The following FBXO21 variants were observed in gnomAD, a reference collection of about 807,000 sequenced individuals.
FBXO21 encodes F-box protein 21, also known as F-box only protein 21.
FBXO21 carries 32 observed loss-of-function variants against 76.6 expected under a neutral mutation model. The ratio of observed to expected loss-of-function variants is 0.42; its 90% confidence interval spans 0.32 to 0.56. The LOEUF (loss-of-function observed/expected upper bound fraction) is 0.56, where lower values mean the gene tolerates loss of function less well. Among genes scored for constraint, FBXO21 ranks in the 20% least tolerant of loss-of-function variants. The probability of loss-of-function intolerance (pLI) is 0.16; values close to 1 mark genes in which losing one functional copy is unlikely to be tolerated. For missense variants in FBXO21, 586 were observed against 797.3 expected (o/e 0.73, Z 3.19); for synonymous variants, 328 against 311.5 (o/e 1.05, Z -0.56).
chr12:117,165,752 C>A, intron 8 of FBXO21, 135 bp from the exon 9 acceptor site: 7 of 819,266 alleles, frequency 8.5e-6, no homozygotes, highest in South Asian at 2.6e-5. Flanking sequence ...CTTCTCAGCT[C>A]AACGAAGAGA....
chr12:117,151,792 A>G (rs1279314184), intron 11 of FBXO21, among the ~76,000 whole-genome samples: 1 of 152,310 alleles, frequency 6.6e-6, no homozygotes, highest in East Asian at 1.9e-4. Context: ...GCTCTTGTTC[A>G]TTGAAGTAGA....
intron 7 of FBXO21, among the ~76,000 whole-genome samples, chr12:117,172,220 A>G (rs1490790746): frequency 6.6e-6 from 1 of 152,226 alleles, no homozygotes; most frequent in Admixed American, 6.5e-5. Context: ...TGCAGTTTTA[A>G]GAAATACAGA....
rs1319019764 is a variant in FBXO21 at position 117,145,125 on chromosome 12, C to A, written c.*962G>T. 6.9e-6 allele frequency: 1 copy of A among 145,804 alleles called. No homozygotes were observed. The highest frequency in any genetic ancestry group is 1.5e-5 in the Non-Finnish European group (1 of 66,698). 9.0% of individuals were successfully genotyped at this position (145,804 alleles called of 1,614,324 possible). A position where few individuals can be genotyped will look rare whatever the true frequency, so the allele number is the denominator to read the frequency against. On this transcript the variant is annotated 3_prime_UTR_variant, in exon 12 of 12. Transcript: ENST00000622495. The stretch of plus-strand genomic sequence containing the variant: ...TTTTTTCCTGATTACAAAAGCAAAA[C>A]CTCATTTTTTGGTCTTTGAAGACCA...
At position 117,167,075 on chromosome 12, in the gene FBXO21, G is replaced by A. The variant is rs897057214; in HGVS notation, c.1016C>T (p.Ala339Val). Residue 339 changes from alanine (A) to valine (V), a missense_variant and splice_region_variant, in exon 8 of 12, where the codon GCG becomes GTG. Coordinates refer to ENST00000622495, the MANE Select transcript of FBXO21 (RefSeq NM_015002.3). ...LLRWCQGAEGATLDIFDYIYI... is the reference protein window; with the variant it reads ...LLRWCQGAEGVTLDIFDYIYI... ...GATGTAGTCAAAGATGTCCAGGGTC[G>A]CCCTATCCAAAGAGCCAAATATCAG... 3.1e-6 allele frequency: 5 copies of A among 1,613,024 alleles called. No individual in the cohort carries two copies. Among genetic ancestry groups the A allele is most frequent in the African/African-American group, 1.3e-5 (1 of 74,856 alleles).
At chr12:117,167,917 T>C (rs1277355513) in intron 7 of FBXO21, among the ~76,000 whole-genome samples, 4 of 152,152 alleles carry the variant, frequency 2.6e-5, no homozygotes, top group South Asian at 4.1e-4. Flanking sequence ...CAGCTCTTCT[T>C]GCAGCTCTTC....
chr12:117,163,669 G>A (rs1956012445), intron 9 of FBXO21, among the ~76,000 whole-genome samples: 1 of 149,742 alleles, frequency 6.7e-6, no homozygotes, highest in African/African-American at 2.5e-5. Flanking sequence ...GGGGCTGGGT[G>A]TGGTGTCTCA....
At chr12:117,189,757 G>T (rs1349242450) in intron 1 of FBXO21, among the ~76,000 whole-genome samples, 1 of 152,090 alleles carries the variant, frequency 6.6e-6, no homozygotes, top group Non-Finnish European at 1.5e-5. Context: ...TATGAACGAG[G>T]CTCAAAAAAA....
chr12:117,162,315 G>A (rs1277240376), intron 9 of FBXO21, among the ~76,000 whole-genome samples: 1 of 152,212 alleles, frequency 6.6e-6, no homozygotes, highest in Non-Finnish European at 1.5e-5. Flanking sequence ...TCTGGCCTTG[G>A]CCCACTGTAC....
At chr12:117,180,212 T>A (rs1297092093) in intron 3 of FBXO21, among the ~76,000 whole-genome samples, 1 of 152,336 alleles carries the variant, frequency 6.6e-6, no homozygotes, top group African/African-American at 2.4e-5. Context: ...CCAAAAACCC[T>A]GGCTTCTTTT....
At chr12:117,190,186 C>G in intron 1 of FBXO21, 32 bp downstream of exon 1, 2 of 1,205,766 alleles carry the variant, frequency 1.7e-6, no homozygotes, top group South Asian at 3.6e-5. Flanking sequence ...GGGCGGTGGG[C>G]GCGCAGCCGG....
At position 117,144,089 on chromosome 12, in the gene FBXO21, A is replaced by T. The variant is rs1310911130; in HGVS notation, c.*1998T>A. On this transcript the variant is annotated 3_prime_UTR_variant, in exon 12 of 12. Coordinates refer to ENST00000622495, the MANE Select transcript of FBXO21 (RefSeq NM_015002.3). ...GCATTCATGAAGAAAGACATTTAAA[A>T]ACAGTCTAGATACATATGTACAGCT... The T allele has an allele frequency of 6.6e-6, 1 of 152,644 alleles. No individual in the cohort carries two copies. The highest frequency in any genetic ancestry group is 1.5e-5 in the Non-Finnish European group (1 of 68,048). The allele number at this position is 152,644 out of a possible 1,614,324, so 9.5% of individuals were successfully genotyped here. A position where few individuals can be genotyped will look rare whatever the true frequency, so the allele number is the denominator to read the frequency against.
chr12:117,184,587 C>T (rs1252014386), intron 3 of FBXO21, among the ~76,000 whole-genome samples: 1 of 152,094 alleles, frequency 6.6e-6, no homozygotes, highest in Non-Finnish European at 1.5e-5. Flanking sequence ...AACACCGTTT[C>T]TACTAAAAAT....
intron 4 of FBXO21, among the ~76,000 whole-genome samples, chr12:117,175,344 G>A (rs371200039): frequency 1.3e-5 from 2 of 152,230 alleles, no homozygotes; most frequent in African/African-American, 4.8e-5. Flanking sequence ...TATGCTCGGG[G>A]AACCTACAGC....
intron 11 of FBXO21, chr12:117,155,549 C>T (rs147715435): frequency 1.9e-5 from 11 of 581,000 alleles, no homozygotes; most frequent in African/African-American, 1.7e-4. Context: ...ATCAGATGTC[C>T]GGGCTGTGGG....
Position 117,167,966 on chromosome 12 carries a change from T to G in FBXO21, c.1014-889A>C, listed in dbSNP as rs1370219994. On this transcript the variant is annotated intron_variant, in intron 7 of 11. Transcript: ENST00000622495. ...CTGCACTCGAACTGCACTAGTATGCTGGGGCTGGCCCTCGCTGAGCACAAT... is the reference window on the plus strand; with the variant it reads ...CTGCACTCGAACTGCACTAGTATGCGGGGGCTGGCCCTCGCTGAGCACAAT... Among the ~76,000 whole-genome samples the G allele has an allele frequency of 3.9e-5, 6 of 152,272 alleles. No individual in the cohort carries two copies. In the East Asian group the frequency reaches 9.7e-4, roughly 25 times the overall value.
In FBXO21 at chr12:117,144,818, A is replaced by G. The variant is rs1277614462; in HGVS notation, c.*1269T>C. The G allele has an allele frequency of 6.6e-6, 1 of 152,164 alleles. No homozygotes were observed. The allele number at this position is 152,164 out of a possible 1,614,324, so 9.4% of individuals were successfully genotyped here. On this transcript the variant is annotated 3_prime_UTR_variant, in exon 12 of 12. Transcript: ENST00000622495. ...TCAGTTACTGAGAACTTCGGAAAGG[A>G]GCCAGTGCCGTCCGAACACACGGTC... is the stretch of plus-strand genomic sequence containing the variant.
chr12:117,147,815 C>T lies in FBXO21; in HGVS notation c.1676-1538G>A, dbSNP rs535546714. On this transcript the variant is annotated intron_variant, in intron 11 of 11. Transcript: ENST00000622495. The stretch of plus-strand genomic sequence containing the variant: ...AGCTATGCCCTCCATGACCTGACAC[C>T]GGAAGGAAGCTGGGCTGGGCAGATC... 9.9e-5 allele frequency among the ~76,000 whole-genome samples: 15 copies of T among 152,266 alleles called. 1 individual carries two copies. The highest frequency in any genetic ancestry group is 6.5e-4 in the Admixed American group (10 of 15,292).
chr12:117,169,984 T>C (rs749993170), intron 7 of FBXO21, among the ~76,000 whole-genome samples: 4 of 152,038 alleles, frequency 2.6e-5, no homozygotes, highest in Non-Finnish European at 4.4e-5. Context: ...ACAGATACTA[T>C]GATTATCCAC....
chr12:117,148,170 T>C (rs78226242), intron 11 of FBXO21, among the ~76,000 whole-genome samples: 1 of 94,380 alleles, frequency 1.1e-5, no homozygotes, highest in African/African-American at 6.8e-5. Context: ...GGGTTCTTTT[T>C]AAACATAAAA....
Sources: allele counts gnomAD v4.1 joint callset (sites outside exome capture counted in the v4.1 genomes callset), GRCh38; gene constraint gnomAD v4.1.1; transcripts MANE v1.5; gene names NCBI Gene and HGNC (gene_info 2026-07-23, HGNC 2026-07-21).